The following ZNF99 variants were observed in gnomAD, a reference collection of about 807,000 sequenced individuals.
ZNF99 encodes zinc finger protein ENSP00000375192.
ZNF99 carries 8 observed loss-of-function variants against 12.8 expected under a neutral mutation model. That is an observed-to-expected ratio of 0.62 (90% CI 0.37 to 1.13). The LOEUF (loss-of-function observed/expected upper bound fraction) is 1.13. ZNF99 is among the 50% of genes most tolerant of loss of function. ZNF99 has a pLI of 0.02. For synonymous variants in ZNF99, 318 were observed against 319.0 expected (o/e 1.00, Z 0.03); for missense variants, 1,007 against 1,006.2 (o/e 1.00, Z -0.01).
rs191842115 is a variant in ZNF99, at chr19:22,754,759, T to A, written c.*2555A>T. On this transcript the variant is annotated 3_prime_UTR_variant, in exon 4 of 4. Transcript: ENST00000596209. ...ACGTTTGTAGGGTTTCTCTTCAGTATAAATTGTTTATTAAGAATTGAAGAA... is the reference window on the plus strand; with the variant it reads ...ACGTTTGTAGGGTTTCTCTTCAGTAAAAATTGTTTATTAAGAATTGAAGAA... 224 of 234,580 alleles carry A rather than the reference T, an allele frequency of 9.5e-4. No homozygotes were observed. Among genetic ancestry groups the A allele is most frequent in the African/African-American group, 5.0e-3 (215 of 42,708 alleles). 14.5% of individuals were successfully genotyped at this position (234,580 alleles called of 1,614,324 possible).
At position 22,754,086 on chromosome 19, in the gene ZNF99, A is replaced by G. The variant is rs1440034052; in HGVS notation, c.*3228T>C. On this transcript the variant is annotated 3_prime_UTR_variant, in exon 4 of 4. Transcript: ENST00000596209. ...ACTTTGCCACATTCGACCGGGCTCAATGGCTCATGCTTGTAATCCCAGCAC... is the reference window on the plus strand; with the variant it reads ...ACTTTGCCACATTCGACCGGGCTCAGTGGCTCATGCTTGTAATCCCAGCAC... The G allele has an allele frequency of 6.6e-6, 3 of 455,518 alleles. No individual in the cohort carries two copies. The highest frequency in any genetic ancestry group is 3.1e-5 in the South Asian group (2 of 64,520). 28.2% of individuals were successfully genotyped at this position (455,518 alleles called of 1,614,324 possible).
rs1599441015 is a variant in ZNF99, at chr19:22,758,510, C to A, written c.1399G>T (p.Ala467Ser). 6.2e-7 allele frequency: 1 copy of A among 1,610,398 alleles called. No individual in the cohort carries two copies. Among genetic ancestry groups the A allele is most frequent in the East Asian group, 2.2e-5 (1 of 44,668 alleles). The change falls in exon 4 of 4, where the codon GCC becomes TCC. Residue 467 changes from alanine (A) to serine (S), a missense_variant. By Grantham distance (99) the Ala-to-Ser change is moderately conservative. Coordinates refer to ENST00000596209, the MANE Select transcript of ZNF99 (RefSeq NM_001080409.3). Reference sequence around the variant, plus strand: ...TGAATTATCTCATGTTTTCTAAGGGCTGAAAAATTGCTAAAAGCTTTGCTG... The same window carrying A: ...TGAATTATCTCATGTTTTCTAAGGGATGAAAAATTGCTAAAAGCTTTGCTG... The part of the protein sequence containing the change: ...ECSKAFSNFS[A>S]LRKHEIIHTG...
Position 22,761,028 on chromosome 19 carries a change from T to G in ZNF99, c.227-1346A>C, listed in dbSNP as rs554298236. On this transcript the variant is annotated intron_variant, in intron 3 of 3. Coordinates refer to ENST00000596209, the MANE Select transcript of ZNF99 (RefSeq NM_001080409.3). ...TGAAGACTGTAACAGGTAGCTTTTT[T>G]GATGTACAAATTTTAATTAATTATT... Among the ~76,000 whole-genome samples, 14 of 152,062 alleles carry G rather than the reference T, an allele frequency of 9.2e-5. No individual in the cohort carries two copies. The East Asian group carries it at 2.7e-3, about 29-fold the overall frequency.
At chr19:22,780,030 C>T (rs1202634639) in intron 1 of ZNF99, among the ~76,000 whole-genome samples, 4 of 152,124 alleles carry the variant, frequency 2.6e-5, no homozygotes, top group African/African-American at 9.7e-5. Context: ...CCTGTGGGTC[C>T]CCAGCTTTCC....
intron 1 of ZNF99, among the ~76,000 whole-genome samples, chr19:22,779,225 AAAAT>A (rs3033417): frequency 7.3e-5 from 11 of 151,678 alleles, no homozygotes; most frequent in South Asian, 2.1e-4. Context: ...TTCTCATTAA[AAAAT>A]AAATAAATAA....
chr19:22,763,173 T>C lies in ZNF99; in HGVS notation c.227-3491A>G, dbSNP rs139261763. Among the ~76,000 whole-genome samples the C allele has an allele frequency of 2.0e-5, 3 of 152,230 alleles. 1 individual carries two copies. The highest frequency in any genetic ancestry group is 1.5e-5 in the Non-Finnish European group (1 of 68,006). On this transcript the variant is annotated intron_variant, in intron 3 of 3. Transcript: ENST00000596209. ...GAGAAAAAAATAAAGGGCATCAAAATTGGTAAAGAGGAAGTAAAGCTGTCA... is the reference window on the plus strand; with the variant it reads ...GAGAAAAAAATAAAGGGCATCAAAACTGGTAAAGAGGAAGTAAAGCTGTCA...
At chr19:22,766,545 G>A (rs186996299) in intron 3 of ZNF99, among the ~76,000 whole-genome samples, 3 of 151,782 alleles carry the variant, frequency 2.0e-5, no homozygotes, top group Non-Finnish European at 2.9e-5. Context: ...CATTGTGTTG[G>A]CCAGGCTAGT....
rs61753878 is a variant in ZNF99 at position 22,759,259 on chromosome 19, A to C, written c.650T>G (p.Ile217Ser). Residue 217 changes from isoleucine to serine, a missense_variant, in exon 4 of 4, where the codon ATT becomes AGT. Coordinates refer to ENST00000596209, the MANE Select transcript of ZNF99 (RefSeq NM_001080409.3). Reference protein sequence around the residue: ...GKAFKWFSTLIKHKIIHTEDK... With the variant: ...GKAFKWFSTLSKHKIIHTEDK... ...TTCAGTATGAATTATCTTATGTTTA[A>C]TAAGGGTTGAGAACCATTTAAAGGC... 136,428 of 1,552,652 alleles carry C rather than the reference A, an allele frequency of 0.088. 6,144 individuals are homozygous for C. Among genetic ancestry groups the C allele is most frequent in the Middle Eastern group, 0.14 (817 of 5,948 alleles).
intron 3 of ZNF99, among the ~76,000 whole-genome samples, chr19:22,765,845 C>A (rs751046002): frequency 1.3e-5 from 2 of 151,886 alleles, no homozygotes; most frequent in African/African-American, 4.8e-5. Context: ...TAAAATGAGT[C>A]TTTTATGTTG....
intron 3 of ZNF99, among the ~76,000 whole-genome samples, chr19:22,766,812 C>T (rs1336980045): frequency 5.9e-5 from 9 of 151,642 alleles, no homozygotes; most frequent in Admixed American, 2.0e-4. Context: ...CCACCACGCC[C>T]GGCTAATTTT....
Position 22,756,684 on chromosome 19 carries a change from T to G in ZNF99, c.*630A>C, listed in dbSNP as rs760002754. 2.0e-6 allele frequency: 3 copies of G among 1,466,874 alleles called. No homozygotes were observed. The South Asian group carries it at 3.8e-5, about 18-fold the overall frequency. 90.9% of individuals were successfully genotyped at this position (1,466,874 alleles called of 1,614,324 possible). A position where few individuals can be genotyped will look rare whatever the true frequency, so the allele number is the denominator to read the frequency against. ...TAAGGGTCGAGAAATTGTTAAAACC[T>G]TTGCCACATTCTTCACATTTGTACG... On this transcript the variant is annotated 3_prime_UTR_variant, in exon 4 of 4. Coordinates refer to ENST00000596209, the MANE Select transcript of ZNF99 (RefSeq NM_001080409.3).
intron 1 of ZNF99, among the ~76,000 whole-genome samples, chr19:22,783,175 G>A (rs1462487883): frequency 6.6e-6 from 1 of 152,080 alleles, no homozygotes. Flanking sequence ...AGCTACTCGG[G>A]AGGCTGAGGC....
Position 22,754,508 on chromosome 19 carries a change from T to C in ZNF99, c.*2806A>G. 1 of 426,630 alleles carries C rather than the reference T, an allele frequency of 2.3e-6. No individual in the cohort carries two copies. Among genetic ancestry groups the C allele is most frequent in the Non-Finnish European group, 4.6e-6 (1 of 217,072 alleles). 26.4% of individuals were successfully genotyped at this position (426,630 alleles called of 1,614,324 possible). On this transcript the variant is annotated 3_prime_UTR_variant, in exon 4 of 4. Transcript: ENST00000596209. The stretch of plus-strand genomic sequence containing the variant: ...ATATTTATAAAATTTATCTTCTGTA[T>C]GAATTCTCTTATATTTAGTATGAGT...
In ZNF99 at chr19:22,784,026, T is replaced by TCCAGG; in HGVS notation, c.-15_-11dup. 6.2e-7 allele frequency: 1 copy of TCCAGG among 1,613,714 alleles called. No homozygotes were observed. The highest frequency in any genetic ancestry group is 8.5e-7 in the Non-Finnish European group (1 of 1,179,946). On this transcript the variant is annotated 5_prime_UTR_variant, in exon 1 of 4. Transcript: ENST00000596209. ...CCGGCACTCTCACCATTTCTAAGCT[T>TCCAGG]CCAGGGGGTCCTGGCGTCCTAGCTG...
In ZNF99 at chr19:22,759,174, A is replaced by C. The variant is rs1973120644; in HGVS notation, c.735T>G (p.Thr245=). 1 of 1,597,774 alleles carries C rather than the reference A, an allele frequency of 6.3e-7. No individual in the cohort carries two copies. Among genetic ancestry groups the C allele is most frequent in the African/African-American group, 1.3e-5 (1 of 74,680 alleles). Reference sequence around the variant, plus strand: ...TTCCAGTATGAATTATCTTACATTTAGTGAACATTGAAGAGATGTTAAAAG... The same window carrying C: ...TTCCAGTATGAATTATCTTACATTTCGTGAACATTGAAGAGATGTTAAAAG... ...GKAFNISSMF[T]KCKIIHTGKK... Residue 245 remains threonine, a synonymous_variant, in exon 4 of 4, where the codon ACT becomes ACG. Transcript: ENST00000596209.
chr19:22,772,199 T>G (rs1973281034), intron 1 of ZNF99, among the ~76,000 whole-genome samples: 1 of 152,146 alleles, frequency 6.6e-6, no homozygotes, highest in Admixed American at 6.5e-5. Context: ...CTAAAAAAGA[T>G]GGACAGAGAG....
intron 1 of ZNF99, among the ~76,000 whole-genome samples, chr19:22,781,137 G>A (rs1481931737): frequency 6.6e-6 from 1 of 152,126 alleles, no homozygotes; most frequent in Admixed American, 6.6e-5. Context: ...CCTTGGTTAA[G>A]TATTTTCTTA....
At position 22,758,413 on chromosome 19, in the gene ZNF99, TG is replaced by T. The variant is rs1299571490; in HGVS notation, c.1495del (p.His499IlefsTer3). ...TTTCTCTTCCATATGAATTACCTTA[TG>T]TACAGTAAGTTTTGAGGACCACTTA... ...AFKWSSKLTVHKVIHMEEKPC... is the reference protein window; with the variant it reads ...AFKWSSKLTVXKVIHMEEKPC... On this transcript the variant is annotated frameshift_variant, in exon 4 of 4. Transcript: ENST00000596209. LOFTEE classifies it low-confidence loss of function (END_TRUNC). 1 of 1,604,978 alleles carries T rather than the reference TG, an allele frequency of 6.2e-7. No homozygotes were observed. The highest frequency in any genetic ancestry group is 8.5e-7 in the Non-Finnish European group (1 of 1,173,942).
rs7256890 is a variant in ZNF99, at chr19:22,762,796, G to A, written c.227-3114C>T. ...TCAAAAACAGAATCCATGATCAAGT[G>A]GGTTTCATACCAGTGATGCAGGGAT... is the stretch of plus-strand genomic sequence containing the variant. On this transcript the variant is annotated intron_variant, in intron 3 of 3. Coordinates refer to ENST00000596209, the MANE Select transcript of ZNF99 (RefSeq NM_001080409.3). 4.3e-3 allele frequency among the ~76,000 whole-genome samples: 662 copies of A among 152,260 alleles called. 8 individuals carry two copies. The highest frequency in any genetic ancestry group is 0.015 in the African/African-American group (633 of 41,562).
Sources: allele counts gnomAD v4.1 joint callset (sites outside exome capture counted in the v4.1 genomes callset), GRCh38; gene constraint gnomAD v4.1.1; transcripts MANE v1.5; gene names NCBI Gene and HGNC (gene_info 2026-07-23, HGNC 2026-07-21).